Variants in PCDHA7 observed in about 807,000 individuals in gnomAD.
The protein encoded by PCDHA7 is protocadherin alpha-7.
PCDHA7 carries 37 observed loss-of-function variants against 57.2 expected under a neutral mutation model. The ratio of observed to expected loss-of-function variants is 0.65; its 90% confidence interval spans 0.50 to 0.85. The LOEUF is 0.85. Ranked by LOEUF, PCDHA7 falls within the 40% of genes least tolerant of loss-of-function variation. PCDHA7 has a pLI of 0.00. For synonymous variants in PCDHA7, 553 were observed against 558.8 expected, an observed-to-expected ratio of 0.99 and a Z score of 0.15; for missense variants, 1,188 against 1,241.8, an observed-to-expected ratio of 0.96 and a Z score of 0.65.
intron 1 of PCDHA7, chr5:140,854,321 C>A: frequency 3.7e-6 from 1 of 267,696 alleles, no homozygotes; most frequent in Non-Finnish European, 5.7e-6. Context: ...TGATCAATGG[C>A]AAACTTATTT....
chr5:140,973,167 C>A (rs554202231), intron 1 of PCDHA7, among the ~76,000 whole-genome samples: 44 of 152,284 alleles, frequency 2.9e-4, no homozygotes, highest in Admixed American at 2.4e-3. Context: ...TTTGTAGTCA[C>A]CAAACCTTCA....
intron 1 of PCDHA7, among the ~76,000 whole-genome samples, chr5:140,874,292 G>C (rs1554167129): frequency 2.0e-5 from 3 of 152,146 alleles, no homozygotes; most frequent in Non-Finnish European, 4.4e-5. Context: ...AAATCTATGT[G>C]TACTTGTTCA....
chr5:140,847,333 C>T (rs2150399030), intron 1 of PCDHA7: 10 of 149,874 alleles, frequency 6.7e-5, no homozygotes, highest in African/African-American at 1.9e-4. Flanking sequence ...TTGTTAAATG[C>T]ACCTCTTAGG....
Position 140,857,121 on chromosome 5 carries a change from T to C in PCDHA7, c.2355+20383T>C. 3.1e-6 allele frequency: 5 copies of C among 1,597,978 alleles called. 1 individual carries two copies. Among genetic ancestry groups the C allele is most frequent in the Non-Finnish European group, 4.3e-6 (5 of 1,167,600 alleles). ...ATTGTCACTTCTCTGTCTCTCCCAG[T>C]GAAAGAAGATGCTCAAGTGGGCACC... On this transcript the variant is annotated intron_variant, in intron 1 of 3. Transcript: ENST00000525929.
intron 1 of PCDHA7, among the ~76,000 whole-genome samples, chr5:140,893,592 C>G (rs2064074430): frequency 6.6e-6 from 1 of 152,154 alleles, no homozygotes; most frequent in Non-Finnish European, 1.5e-5. Flanking sequence ...TTGGGAAATA[C>G]TTTATTTCTC....
At position 140,836,700 on chromosome 5, in the gene PCDHA7, A is replaced by C; in HGVS notation, c.2317A>C (p.Ser773Arg). The change falls in exon 1 of 4, where the codon AGT (serine) becomes CGT (arginine). Residue 773 changes from serine to arginine, a missense_variant. Ser to Arg is a moderately radical substitution (Grantham distance 110). This residue lies in a region of PCDHA7 where 892 missense variants were observed against 788.5 expected (regional missense o/e 1.13). Coordinates refer to ENST00000525929, the MANE Select transcript of PCDHA7 (RefSeq NM_018910.3). ...GPPKTDLMAF[S>R]PSLPQGPSST... ...ACCCAAGACAGACCTCATGGCCTTCAGTCCCAGCCTTCCTCAGGGTCCATC... is the reference window on the plus strand; with the variant it reads ...ACCCAAGACAGACCTCATGGCCTTCCGTCCCAGCCTTCCTCAGGGTCCATC... The C allele has an allele frequency of 6.2e-7, 1 of 1,613,438 alleles. No homozygotes were observed. The highest frequency in any genetic ancestry group is 8.5e-7 in the Non-Finnish European group (1 of 1,179,566).
At position 140,876,007 on chromosome 5, in the gene PCDHA7, G is replaced by A. The variant is rs1177191662; in HGVS notation, c.2355+39269G>A. 9 of 1,613,658 alleles carry A rather than the reference G, an allele frequency of 5.6e-6. No individual in the cohort carries two copies. Among genetic ancestry groups the A allele is most frequent in the Non-Finnish European group, 7.6e-6 (9 of 1,179,880 alleles). ...TGCGTTAAGTCTAAATGAGAATTTTGAGCTTAAAATAAAAACAAAAAAAGA... is the reference window on the plus strand; with the variant it reads ...TGCGTTAAGTCTAAATGAGAATTTTAAGCTTAAAATAAAAACAAAAAAAGA... On this transcript the variant is annotated intron_variant, in intron 1 of 3. Transcript: ENST00000525929.
At chr5:140,983,977 C>T (rs566705604) in intron 3 of PCDHA7, among the ~76,000 whole-genome samples, 20 of 152,234 alleles carry the variant, frequency 1.3e-4, no homozygotes, top group Non-Finnish European at 2.4e-4. Flanking sequence ...AAAAAATATA[C>T]GAGTTGAAGC....
chr5:140,974,467 A>C (rs2096628825), intron 1 of PCDHA7, among the ~76,000 whole-genome samples: 1 of 152,228 alleles, frequency 6.6e-6, no homozygotes, highest in Non-Finnish European at 1.5e-5. Context: ...TTCAGAGGAA[A>C]GTATTCCACC....
At chr5:140,869,521 C>T (rs782236624) in intron 1 of PCDHA7, 4 of 1,614,064 alleles carry the variant, frequency 2.5e-6, no homozygotes, top group Non-Finnish European at 2.5e-6. Flanking sequence ...AGAACAAAAG[C>T]TGCTGATTGC....
At chr5:140,871,519 A>C in intron 1 of PCDHA7, 1 of 1,554,010 alleles carries the variant, frequency 6.4e-7, no homozygotes, top group Non-Finnish European at 8.7e-7. Context: ...GATTCCACCT[A>C]TCAGGAAGTG....
At chr5:140,869,161 C>T in intron 1 of PCDHA7, 1 of 1,613,852 alleles carries the variant, frequency 6.2e-7, no homozygotes, top group South Asian at 1.1e-5. Flanking sequence ...CTGGCTTCTC[C>T]TCCTCGAATT....
chr5:140,834,377 A>C lies in PCDHA7; in HGVS notation c.-7A>C, dbSNP rs1445346495. 1.3e-6 allele frequency: 2 copies of C among 1,562,428 alleles called. No individual in the cohort carries two copies. Among genetic ancestry groups the C allele is most frequent in the Admixed American group, 2.0e-5 (1 of 50,820 alleles). On this transcript the variant is annotated 5_prime_UTR_variant, in exon 1 of 4. Coordinates refer to ENST00000525929, the MANE Select transcript of PCDHA7 (RefSeq NM_018910.3). ...TGCTGACTAGAAAAACAAGCCAATA[A>C]TTTGAAATGGTGTGCCCGAATGGAT... is the stretch of plus-strand genomic sequence containing the variant.
intron 1 of PCDHA7, among the ~76,000 whole-genome samples, chr5:140,896,062 C>T (rs781234487): frequency 1.1e-4 from 17 of 152,104 alleles, no homozygotes; most frequent in South Asian, 4.2e-4. Flanking sequence ...CCGCCTGCCT[C>T]GGCCTCCCAA....
At chr5:140,922,371 T>G (rs1194947703) in intron 1 of PCDHA7, among the ~76,000 whole-genome samples, 1 of 152,204 alleles carries the variant, frequency 6.6e-6, no homozygotes, top group Non-Finnish European at 1.5e-5. Context: ...CTCACTGAGA[T>G]GCAAAACCAA....
At chr5:140,876,181 G>A in intron 1 of PCDHA7, 9 of 1,613,980 alleles carry the variant, frequency 5.6e-6, no homozygotes, top group Non-Finnish European at 7.6e-6. Flanking sequence ...GGATGTGAAT[G>A]ACAATGGTCC....
At chr5:140,970,650 ATTG>A (rs2096422935) in intron 1 of PCDHA7, among the ~76,000 whole-genome samples, 1 of 152,200 alleles carries the variant, frequency 6.6e-6, no homozygotes, top group South Asian at 2.1e-4. Flanking sequence ...ATAGTGATGA[ATTG>A]TTATCTTTCC....
chr5:140,842,623 G>C, intron 1 of PCDHA7: 1 of 1,579,148 alleles, frequency 6.3e-7, no homozygotes, highest in Non-Finnish European at 8.6e-7. Context: ...GCTCGCCTTC[G>C]CTGTGGGCCA....
Position 140,848,936 on chromosome 5 carries a change from G to A in PCDHA7, c.2355+12198G>A, listed in dbSNP as rs2150425486. ...ATCTGTTCATCGCGGAATCCAGGCC[G>A]CTTGACTCTCGGTTTCCACTAGAGG... is the stretch of plus-strand genomic sequence containing the variant. On this transcript the variant is annotated intron_variant, in intron 1 of 3. Coordinates refer to ENST00000525929, the MANE Select transcript of PCDHA7 (RefSeq NM_018910.3). 2.3e-5 allele frequency: 37 copies of A among 1,607,476 alleles called. No homozygotes were observed. The East Asian group carries it at 6.7e-4, about 29-fold the overall frequency.
Sources: allele counts gnomAD v4.1 joint callset (sites outside exome capture counted in the v4.1 genomes callset), GRCh38; gene constraint gnomAD v4.1.1; regional missense constraint gnomAD v4.1.1; transcripts MANE v1.5; gene names NCBI Gene and HGNC (gene_info 2026-07-23, HGNC 2026-07-21).